Variants in DUSP13B observed in about 807,000 individuals in gnomAD.
DUSP13B encodes the protein dual specificity protein phosphatase 13B.
the DUSP13B span, chr10:75,094,576 G>T: frequency 7.3e-7 from 1 of 1,370,286 alleles, no homozygotes; most frequent in Non-Finnish European, 9.9e-7. Context: ...CCCACTTGCT[G>T]TTTACATCTC....
At chr10:75,105,743 C>A in the DUSP13B span, 1 of 1,554,342 alleles carries the variant, frequency 6.4e-7, no homozygotes, top group Admixed American at 1.9e-5. Flanking sequence ...TTGGGGAAGA[C>A]CCATCGGTGC....
the DUSP13B span, chr10:75,094,890 A>G: frequency 6.2e-7 from 1 of 1,613,028 alleles, no homozygotes; most frequent in Non-Finnish European, 8.5e-7. Flanking sequence ...TGTAGGGAGA[A>G]CCAACTTAGC....
chr10:75,094,523 G>T, the DUSP13B span: 18 of 770,778 alleles, frequency 2.3e-5, no homozygotes, highest in Non-Finnish European at 3.3e-5. Flanking sequence ...AAATCCACCC[G>T]CTAAGAGGTC....
At chr10:75,106,101 CTTT>C in the DUSP13B span, among the ~76,000 whole-genome samples, 4 of 123,018 alleles carry the variant, frequency 3.3e-5, no homozygotes, top group Non-Finnish European at 3.4e-5. Flanking sequence ...TCTTTCTTTT[CTTT>C]TTTTTTTTTT....
the DUSP13B span, chr10:75,094,719 T>C: frequency 6.2e-7 from 1 of 1,614,148 alleles, no homozygotes; most frequent in Admixed American, 1.7e-5. Context: ...GTCCAGAACC[T>C]GGAGCTGCCG....
At chr10:75,095,510 C>T in the DUSP13B span, 1 of 1,467,260 alleles carries the variant, frequency 6.8e-7, no homozygotes, top group Non-Finnish European at 9.5e-7. Context: ...ACCAGTGCTA[C>T]TGGAATAATG....
chr10:75,107,937 G>A, the DUSP13B span: 5 of 1,532,708 alleles, frequency 3.3e-6, no homozygotes, highest in Non-Finnish European at 4.4e-6. Flanking sequence ...AGGAAATGAG[G>A]CATCCTCCCC....
chr10:75,106,111 T>TA, the DUSP13B span, among the ~76,000 whole-genome samples: 5 of 150,614 alleles, frequency 3.3e-5, no homozygotes, highest in Non-Finnish European at 7.4e-5. Context: ...CTTTTTTTTT[T>TA]TTTTTTTTTT....
At chr10:75,102,493 G>A in the DUSP13B span, among the ~76,000 whole-genome samples, 5 of 152,174 alleles carry the variant, frequency 3.3e-5, no homozygotes, top group South Asian at 1.0e-3. Context: ...GTGGGAGAAG[G>A]AAGATCAAAT....
At chr10:75,099,116 G>T in the DUSP13B span, 8 of 1,232,186 alleles carry the variant, frequency 6.5e-6, no homozygotes, top group African/African-American at 1.2e-4. Flanking sequence ...AAGGAGTCAG[G>T]GACCCTGCGG....
chr10:75,097,389 T>C, the DUSP13B span, among the ~76,000 whole-genome samples: 639 of 152,286 alleles, frequency 4.2e-3, 3 homozygotes, highest in Non-Finnish European at 6.8e-3. Flanking sequence ...TTTGTATTTT[T>C]AGTAGAGATG....
the DUSP13B span, chr10:75,105,881 T>A: frequency 4.5e-6 from 7 of 1,544,706 alleles, no homozygotes. Flanking sequence ...GAGGAAGACA[T>A]CCTGGTGAAA....
the DUSP13B span, chr10:75,101,805 T>G: frequency 4.8e-6 from 4 of 831,416 alleles, no homozygotes; most frequent in Non-Finnish European, 7.2e-6. Context: ...GTCCTGGCCC[T>G]CATTACCCAG....
the DUSP13B span, chr10:75,095,801 G>A: frequency 1.2e-6 from 2 of 1,613,842 alleles, no homozygotes; most frequent in Non-Finnish European, 1.7e-6. Context: ...CGTACCTGGA[G>A]GAGAGGGCAC....
chr10:75,099,571 T>TA, the DUSP13B span: 1 of 1,229,786 alleles, frequency 8.1e-7, no homozygotes, highest in East Asian at 3.2e-5. Context: ...GGGGCGCCCA[T>TA]GGGGGGTGGG....
the DUSP13B span, among the ~76,000 whole-genome samples, chr10:75,108,521 C>T: frequency 5.3e-5 from 8 of 152,160 alleles, no homozygotes; most frequent in African/African-American, 1.9e-4. Flanking sequence ...CCCCTCCCTT[C>T]TTGCCCCATG....
chr10:75,097,800 C>G, the DUSP13B span: 3 of 1,613,886 alleles, frequency 1.9e-6, no homozygotes, highest in Non-Finnish European at 2.5e-6. Flanking sequence ...TGCAGCGAAG[C>G]CAATGTGGGC....
chr10:75,095,833 T>C, the DUSP13B span: 2 of 1,589,304 alleles, frequency 1.3e-6, no homozygotes, highest in Non-Finnish European at 1.7e-6. Flanking sequence ...AGAGTGGAGG[T>C]AGATCTCACT....
chr10:75,107,872 C>T, the DUSP13B span: 32 of 1,226,996 alleles, frequency 2.6e-5, no homozygotes, highest in East Asian at 1.3e-4. Flanking sequence ...CCACCACACA[C>T]GGCCTAAGCA....
Sources: allele counts gnomAD v4.1 joint callset (sites outside exome capture counted in the v4.1 genomes callset), GRCh38; gene constraint gnomAD v4.1.1; transcripts MANE v1.5; gene names NCBI Gene and HGNC (gene_info 2026-07-23, HGNC 2026-07-21).